The following CDKN3 variants were observed in gnomAD, a reference collection of about 807,000 sequenced individuals.
CDKN3 encodes the protein cyclin dependent kinase inhibitor 3, also known as cyclin-dependent kinase inhibitor 3.
In CDKN3, 19 loss-of-function variants were observed where a neutral mutation model predicts 36.1. The ratio of observed to expected loss-of-function variants is 0.53; its 90% CI spans 0.37 to 0.77. The LOEUF is 0.77. Ranked by LOEUF, CDKN3 falls within the 30% of genes least tolerant of loss-of-function variation. CDKN3 has a pLI of 0.00. For missense variants in CDKN3, 188 were observed against 248.6 expected (o/e 0.76, Z 1.64); for synonymous variants, 71 against 85.3 (o/e 0.83, Z 0.92).
chr14:54,411,728 CTA>C (rs754887708), intron 5 of CDKN3, 22 bp downstream of exon 5: 18 of 1,379,408 alleles, frequency 1.3e-5, no homozygotes, highest in Non-Finnish European at 1.8e-5. Context: ...TCTCCATACA[CTA>C]TGTGAGAAAT....
rs1457362503 is a variant in CDKN3, at chr14:54,397,052, A to G, written c.-17A>G. On this transcript the variant is annotated 5_prime_UTR_variant, in exon 1 of 8. Coordinates refer to ENST00000335183, the MANE Select transcript of CDKN3 (RefSeq NM_005192.4). The stretch of plus-strand genomic sequence containing the variant: ...GCAGAGGGAGGCGGCACTGGTCTCG[A>G]CGTGGGGCGGCCAGCGATGAAGCCG... The G allele has an allele frequency of 6.7e-7, 1 of 1,499,236 alleles. No homozygotes were observed. Among genetic ancestry groups the G allele is most frequent in the South Asian group, 1.3e-5 (1 of 78,778 alleles). 92.9% of individuals were successfully genotyped at this position (1,499,236 alleles called of 1,614,324 possible).
rs535126638 is a variant in CDKN3, at chr14:54,417,970, C to G, written c.552+19C>G. On this transcript the variant is annotated intron_variant, in intron 7 of 7. Coordinates refer to ENST00000335183, the MANE Select transcript of CDKN3 (RefSeq NM_005192.4). Reference sequence around the variant, plus strand: ...CATCAAGGTGAGGAGGTGGGCGGTGCTTGCTTGGTTGTGGTTGGGGTCGTT... The same window carrying G: ...CATCAAGGTGAGGAGGTGGGCGGTGGTTGCTTGGTTGTGGTTGGGGTCGTT... 1 of 1,423,302 alleles carries G rather than the reference C, an allele frequency of 7.0e-7. No individual in the cohort carries two copies. The highest frequency in any genetic ancestry group is 1.9e-5 in the Admixed American group (1 of 51,760). 88.2% of individuals were successfully genotyped at this position (1,423,302 alleles called of 1,614,324 possible). A position where few individuals can be genotyped will look rare whatever the true frequency, so the allele number is the denominator to read the frequency against.
chr14:54,398,275 T>C (rs1886377872), intron 1 of CDKN3, among the ~76,000 whole-genome samples: 1 of 152,262 alleles, frequency 6.6e-6, no homozygotes, highest in Non-Finnish European at 1.5e-5. Context: ...TGTTGCCATG[T>C]GGAGGGACAT....
chr14:54,405,011 A>G (rs1031173070), intron 3 of CDKN3, among the ~76,000 whole-genome samples: 1 of 152,226 alleles, frequency 6.6e-6, no homozygotes, highest in Non-Finnish European at 1.5e-5. Flanking sequence ...ATTTAGTGCT[A>G]TAAATTTCCC....
At chr14:54,415,445 A>G (rs184815056) in intron 5 of CDKN3, among the ~76,000 whole-genome samples, 54 of 152,388 alleles carry the variant, frequency 3.5e-4, no homozygotes, top group African/African-American at 1.3e-3. Flanking sequence ...AAGCCCAGGC[A>G]GTGGTGCTCC....
intron 3 of CDKN3, 59 bp from the exon 4 acceptor site, chr14:54,408,686 C>T: frequency 6.6e-7 from 1 of 1,521,080 alleles, no homozygotes. Flanking sequence ...AGTGTTTAAA[C>T]ATACCTGTTA....
At chr14:54,397,334 G>A (rs1054777907) in intron 1 of CDKN3, among the ~76,000 whole-genome samples, 5 of 152,254 alleles carry the variant, frequency 3.3e-5, no homozygotes, top group African/African-American at 1.2e-4. Context: ...TCCCCTGCGG[G>A]GTCTCATAAG....
intron 3 of CDKN3, 39 bp downstream of exon 3, chr14:54,401,618 A>C (rs548446236): frequency 7.7e-7 from 1 of 1,299,204 alleles, no homozygotes; most frequent in Non-Finnish European, 1.1e-6. Flanking sequence ...CAATATGTAT[A>C]TATTTTTTAA....
intron 6 of CDKN3, among the ~76,000 whole-genome samples, chr14:54,417,057 G>A (rs1023164457): frequency 1.3e-5 from 2 of 152,142 alleles, no homozygotes; most frequent in African/African-American, 2.4e-5. Flanking sequence ...AGAGAAATTC[G>A]AACCCTCATA....
chr14:54,410,428 G>A (rs549812283), intron 4 of CDKN3, among the ~76,000 whole-genome samples: 7 of 152,188 alleles, frequency 4.6e-5, no homozygotes, highest in African/African-American at 1.7e-4. Flanking sequence ...GGAGAGGGCT[G>A]GAGTTGGGAG....
At chr14:54,413,927 A>G in intron 5 of CDKN3, 1 of 842,262 alleles carries the variant, frequency 1.2e-6, no homozygotes, top group Non-Finnish European at 1.6e-6. Flanking sequence ...TAAGTCCAAA[A>G]TTAAGATGAG....
chr14:54,400,861 T>C (rs367623005), intron 2 of CDKN3, among the ~76,000 whole-genome samples: 2 of 152,362 alleles, frequency 1.3e-5, no homozygotes, highest in East Asian at 1.9e-4. Context: ...ACTGGGAATA[T>C]GATTTCTTCA....
At position 54,417,847 on chromosome 14, in the gene CDKN3, G is replaced by A; in HGVS notation, c.449-1G>A. The A allele has an allele frequency of 6.4e-7, 1 of 1,556,952 alleles. No homozygotes were observed. Among genetic ancestry groups the A allele is most frequent in the Non-Finnish European group, 8.8e-7 (1 of 1,139,168 alleles). ...ATTATTTTTCTGTCATGTTCCATTAGTAGCTGCTTGTCTCCTACTATACCT... is the reference window on the plus strand; with the variant it reads ...ATTATTTTTCTGTCATGTTCCATTAATAGCTGCTTGTCTCCTACTATACCT... On this transcript the variant is annotated splice_acceptor_variant, in intron 6 of 7. Coordinates refer to ENST00000335183, the MANE Select transcript of CDKN3 (RefSeq NM_005192.4). LOFTEE classifies it high-confidence loss of function.
At chr14:54,405,774 G>T (rs78429722) in intron 3 of CDKN3, among the ~76,000 whole-genome samples, 3 of 151,908 alleles carry the variant, frequency 2.0e-5, no homozygotes, top group Non-Finnish European at 2.9e-5. Flanking sequence ...GCACACCAAT[G>T]GGTCTTGACT....
chr14:54,403,380 T>C (rs1431660715), intron 3 of CDKN3, among the ~76,000 whole-genome samples: 1 of 152,254 alleles, frequency 6.6e-6, no homozygotes, highest in Non-Finnish European at 1.5e-5. Context: ...GGAATGCTTG[T>C]GATTTTTGCA....
Position 54,397,076 on chromosome 14 carries a change from C to G in CDKN3, c.8C>G (p.Pro3Arg). 4 of 1,500,780 alleles carry G rather than the reference C, an allele frequency of 2.7e-6. No individual in the cohort carries two copies. The highest frequency in any genetic ancestry group is 3.6e-6 in the Non-Finnish European group (4 of 1,121,840). The allele number at this position is 1,500,780 out of a possible 1,614,324, so 93.0% of individuals were successfully genotyped here. A position where few individuals can be genotyped will look rare whatever the true frequency, so the allele number is the denominator to read the frequency against. The change falls in exon 1 of 8, where the codon CCG becomes CGG. Residue 3 changes from proline (P) to arginine (R), a missense_variant and splice_region_variant. Pro to Arg is a moderately radical substitution (Grantham distance 103, BLOSUM62 -2). Transcript: ENST00000335183. Reference sequence around the variant, plus strand: ...GACGTGGGGCGGCCAGCGATGAAGCCGGTGAGTCGGACGTGCTGGGGTTTG... The same window carrying G: ...GACGTGGGGCGGCCAGCGATGAAGCGGGTGAGTCGGACGTGCTGGGGTTTG... MK[P>R]PSSIQTSEFD...
chr14:54,409,502 G>A lies in CDKN3; in HGVS notation c.193+713G>A, dbSNP rs150545075. 2.3e-3 allele frequency among the ~76,000 whole-genome samples: 350 copies of A among 152,154 alleles called. 2 individuals are homozygous for A. Among genetic ancestry groups the A allele is most frequent in the African/African-American group, 8.0e-3 (330 of 41,496 alleles). ...TTCTGAATCTTAAAAACTTTTCGTGGTTATTCTAGAACATCAGTTTGCTAA... is the reference window on the plus strand; with the variant it reads ...TTCTGAATCTTAAAAACTTTTCGTGATTATTCTAGAACATCAGTTTGCTAA... On this transcript the variant is annotated intron_variant, in intron 4 of 7. Coordinates refer to ENST00000335183, the MANE Select transcript of CDKN3 (RefSeq NM_005192.4).
intron 6 of CDKN3, among the ~76,000 whole-genome samples, chr14:54,417,326 GAATTA>G (rs1256501468): frequency 2.0e-5 from 3 of 152,162 alleles, no homozygotes; most frequent in East Asian, 1.9e-4. Flanking sequence ...TCATAAAAAG[GAATTA>G]AATACAGACA....
chr14:54,410,441 C>T (rs1431709278), intron 4 of CDKN3, among the ~76,000 whole-genome samples: 1 of 151,702 alleles, frequency 6.6e-6, no homozygotes, highest in African/African-American at 2.4e-5. Context: ...GTTGGGAGCA[C>T]TTAGATCATC....
Sources: allele counts gnomAD v4.1 joint callset (sites outside exome capture counted in the v4.1 genomes callset), GRCh38; gene constraint gnomAD v4.1.1; transcripts MANE v1.5; gene names NCBI Gene and HGNC (gene_info 2026-07-23, HGNC 2026-07-21).